Variants in VPS53 observed in about 807,000 individuals in gnomAD.
VPS53 encodes vacuolar protein sorting-associated protein 53 homolog.
VPS53 carries 70 observed loss-of-function variants against 107.0 expected under a neutral mutation model. That is an observed-to-expected ratio of 0.65 (90% CI 0.54 to 0.80). VPS53 has a LOEUF of 0.80. Ranked by LOEUF, VPS53 falls within the 30% of genes least tolerant of loss-of-function variation. VPS53 has a pLI of 0.00. For synonymous variants in VPS53, 409 were observed against 393.3 expected, an observed-to-expected ratio of 1.04 and a Z score of -0.47; for missense variants, 917 against 1,049.4, an observed-to-expected ratio of 0.87 and a Z score of 1.74.
Position 714,835 on chromosome 17 carries a change from C to G in VPS53, c.-126G>C. 3 of 1,038,224 alleles carry G rather than the reference C, an allele frequency of 2.9e-6. No homozygotes were observed. The highest frequency in any genetic ancestry group is 2.6e-5 in the South Asian group (2 of 75,752). 64.3% of individuals were successfully genotyped at this position (1,038,224 alleles called of 1,614,324 possible). On this transcript the variant is annotated 5_prime_UTR_variant, in exon 1 of 22. Transcript: ENST00000437048. The stretch of plus-strand genomic sequence containing the variant: ...GGTGAGCCCGGCTCCGTCAGCCGCT[C>G]TGTCAGCCGCTCCGGCACTTCCGGC...
At chr17:626,942 A>G (rs1466463397) in intron 10 of VPS53, among the ~76,000 whole-genome samples, 2 of 152,098 alleles carry the variant, frequency 1.3e-5, no homozygotes, top group African/African-American at 4.8e-5. Flanking sequence ...GAGTTGGTGG[A>G]GAAGGTAGAG....
chr17:705,299 T>C (rs1973358972), intron 2 of VPS53, among the ~76,000 whole-genome samples: 1 of 151,886 alleles, frequency 6.6e-6, no homozygotes, highest in African/African-American at 2.4e-5. Flanking sequence ...TCAAAATTCT[T>C]AACTTAGGGC....
chr17:585,899 A>C, intron 13 of VPS53, among the ~76,000 whole-genome samples: 1 of 152,164 alleles, frequency 6.6e-6, no homozygotes. Flanking sequence ...AATTATTTCA[A>C]AATAAAAGGA....
intron 19 of VPS53, among the ~76,000 whole-genome samples, chr17:528,394 A>G (rs922066928): frequency 2.6e-5 from 4 of 152,174 alleles, no homozygotes; most frequent in Non-Finnish European, 4.4e-5. Flanking sequence ...ACATGGTTTC[A>G]AGGCTCTTCC....
At chr17:695,324 G>A (rs896192160) in intron 4 of VPS53, among the ~76,000 whole-genome samples, 22 of 152,106 alleles carry the variant, frequency 1.4e-4, no homozygotes, top group African/African-American at 2.7e-4. Context: ...GGAAAACATC[G>A]TCAAGAAACT....
chr17:713,186 A>C (rs577141816), intron 1 of VPS53, among the ~76,000 whole-genome samples: 1 of 152,038 alleles, frequency 6.6e-6, no homozygotes, highest in South Asian at 2.1e-4. Flanking sequence ...TGGACAACAG[A>C]GCAAGACCCT....
At chr17:594,336 G>T (rs955231071) in intron 12 of VPS53, among the ~76,000 whole-genome samples, 23 of 152,340 alleles carry the variant, frequency 1.5e-4, no homozygotes, top group African/African-American at 4.8e-4. Flanking sequence ...AATAAATAAA[G>T]AATGGCACAT....
chr17:684,229 T>G (rs1972502886), intron 4 of VPS53, among the ~76,000 whole-genome samples: 1 of 152,212 alleles, frequency 6.6e-6, no homozygotes. Flanking sequence ...CATATCACAC[T>G]GTAGGTCCTA....
chr17:698,432 CAAA>C (rs1208695389), intron 3 of VPS53, among the ~76,000 whole-genome samples: 1 of 97,214 alleles, frequency 1.0e-5, no homozygotes, highest in Non-Finnish European at 2.1e-5. Context: ...GACTCCATCT[CAAA>C]AAAAAAAAAA....
chr17:560,591 G>A lies in VPS53; in HGVS notation c.1557-18C>T, dbSNP rs1912855991. 2 of 1,607,544 alleles carry A rather than the reference G, an allele frequency of 1.2e-6. No homozygotes were observed. The highest frequency in any genetic ancestry group is 1.3e-5 in the African/African-American group (1 of 74,672). On this transcript the variant is annotated intron_variant, in intron 14 of 21. Coordinates refer to ENST00000437048, the MANE Select transcript of VPS53 (RefSeq NM_001128159.3). ...TTGTGGTTCTGAAGAAAAGGAACAG[G>A]AACAAGTCAGCATGGAATTTCTAAT... is the stretch of plus-strand genomic sequence containing the variant.
chr17:592,222 T>G (rs1460153528), intron 12 of VPS53, among the ~76,000 whole-genome samples: 2 of 152,216 alleles, frequency 1.3e-5, no homozygotes, highest in Admixed American at 6.5e-5. Context: ...CCCTGCCTTT[T>G]TTTGTTTTCC....
intron 5 of VPS53, chr17:657,119 A>C: frequency 8.4e-7 from 1 of 1,188,808 alleles, no homozygotes. Context: ...GGTGTCATTC[A>C]CCTTGATGAG....
intron 4 of VPS53, among the ~76,000 whole-genome samples, chr17:684,252 A>C (rs1972503870): frequency 6.6e-6 from 1 of 152,210 alleles, no homozygotes; most frequent in Non-Finnish European, 1.5e-5. Context: ...CAGAGTAATA[A>C]GGCAAAAAAT....
intron 5 of VPS53, among the ~76,000 whole-genome samples, chr17:656,455 G>A (rs1235705690): frequency 1.3e-5 from 2 of 152,154 alleles, no homozygotes; most frequent in African/African-American, 4.8e-5. Flanking sequence ...TGTAACATAC[G>A]CTTAACATGT....
intron 18 of VPS53, among the ~76,000 whole-genome samples, chr17:533,791 G>A (rs1478457968): frequency 6.6e-6 from 1 of 152,022 alleles, no homozygotes; most frequent in Non-Finnish European, 1.5e-5. Context: ...TTTAACTCTG[G>A]GTCTGAGACA....
intron 11 of VPS53, among the ~76,000 whole-genome samples, chr17:602,148 C>T (rs1300210487): frequency 6.6e-6 from 1 of 152,352 alleles, no homozygotes; most frequent in Non-Finnish European, 1.5e-5. Flanking sequence ...GTCCTCAAAC[C>T]GGAACTCCGT....
intron 15 of VPS53, among the ~76,000 whole-genome samples, chr17:555,046 T>G (rs1912210744): frequency 2.0e-5 from 3 of 152,224 alleles, no homozygotes; most frequent in South Asian, 4.1e-4. Flanking sequence ...ACAATCTACA[T>G]GTGTATTTAC....
At chr17:632,017 G>C (rs1287314624) in intron 7 of VPS53, among the ~76,000 whole-genome samples, 2 of 152,204 alleles carry the variant, frequency 1.3e-5, no homozygotes, top group African/African-American at 2.4e-5. Context: ...GGAAGCTGAC[G>C]TGAGAGGGTC....
At chr17:624,954 T>TCC (rs1379026644) in intron 10 of VPS53, among the ~76,000 whole-genome samples, 1 of 69,280 alleles carries the variant, frequency 1.4e-5, no homozygotes, top group Non-Finnish European at 2.7e-5. Context: ...CCTCCCTCCC[T>TCC]CCCTTCCTCA....
Sources: gnomAD v4.1 joint callset for allele counts (sites outside exome capture counted in the v4.1 genomes callset) on GRCh38, gnomAD v4.1.1 for gene constraint, MANE v1.5 for transcripts, NCBI Gene and HGNC (gene_info 2026-07-23, HGNC 2026-07-21) for gene names.